Variants in MIAT observed in about 807,000 individuals in gnomAD.
The protein encoded by MIAT is myocardial infarction associated transcript.
chr22:26,668,899 G>A, exon 6 of MIAT: 2 of 398,692 alleles, frequency 5.0e-6, no homozygotes, highest in Non-Finnish European at 8.8e-6. Flanking sequence ...CCTGAAAAGA[G>A]AGGGTCTTTA....
At chr22:26,647,280 G>A (rs1165498685) in exon 2 of MIAT, 12 of 397,964 alleles carry the variant, frequency 3.0e-5, no homozygotes, top group Middle Eastern at 6.3e-4. Flanking sequence ...ACCCTTCACC[G>A]TGCCCTGGAG....
exon 5 of MIAT, chr22:26,674,953 T>A: frequency 2.5e-6 from 1 of 398,614 alleles, no homozygotes; most frequent in East Asian, 3.6e-5. Context: ...AGTGATTCAG[T>A]GAGATGGGTG....
At chr22:26,673,793 A>G (rs1391822534), downstream of MIAT, 1 of 398,528 alleles carries the variant, frequency 2.5e-6, no homozygotes, top group African/African-American at 2.1e-5. Flanking sequence ...AGTTTTCTAA[A>G]GGAGGTGCCA....
At chr22:26,672,724 G>A (rs1026510187), downstream of MIAT, 2 of 398,956 alleles carry the variant, frequency 5.0e-6, no homozygotes, top group African/African-American at 4.1e-5. Flanking sequence ...ATTAGCAGAG[G>A]GGCGTGTCCC....
chr22:26,657,680 C>A (rs1255612634), intron 2 of MIAT: 2 of 398,648 alleles, frequency 5.0e-6, no homozygotes, highest in African/African-American at 2.1e-5. Context: ...ATCCTAGAAG[C>A]CTTCCTTCCC....
chr22:26,664,727 G>A (rs1303660418), intron 3 of MIAT, among the ~76,000 whole-genome samples: 3 of 152,182 alleles, frequency 2.0e-5, no homozygotes, highest in African/African-American at 2.4e-5. Context: ...ATGTGGATAA[G>A]CCAGACTTTG....
At chr22:26,672,435 G>A (rs1382021515), downstream of MIAT, 1 of 399,298 alleles carries the variant, frequency 2.5e-6, no homozygotes, top group African/African-American at 2.1e-5. Flanking sequence ...CTGTGGATGT[G>A]GGAGGCTGGA....
chr22:26,659,504 G>A (rs374950775), intron 2 of MIAT, among the ~76,000 whole-genome samples: 1 of 151,852 alleles, frequency 6.6e-6, no homozygotes, highest in African/African-American at 2.4e-5. Flanking sequence ...ACCCCTTACC[G>A]CCAGCTTTAG....
In MIAT at chr22:26,649,372, C is replaced by A. The variant is rs115237827; in HGVS notation, n.646+2061C>A. ...GGAAACAAGACAGAGTGTCAGGTGG[C>A]AAAGAGCCTGGCAGTCCCTGGTGGA... is the stretch of plus-strand genomic sequence containing the variant. On this transcript the variant is annotated intron_variant and non_coding_transcript_variant, in intron 2 of 5. Transcript: ENST00000643270. Among the ~76,000 whole-genome samples the A allele has an allele frequency of 7.5e-3, 1,140 of 152,324 alleles. 21 individuals are homozygous for A. The highest frequency in any genetic ancestry group is 0.026 in the African/African-American group (1,072 of 41,568).
chr22:26,660,664 C>A (rs977781965), intron 2 of MIAT: 2 of 152,136 alleles, frequency 1.3e-5, no homozygotes, highest in Non-Finnish European at 2.9e-5. Context: ...CTAGTTGTTT[C>A]CAATTTTTCT....
At chr22:26,675,935 A>G (rs962316914) in exon 5 of MIAT, 10 of 398,512 alleles carry the variant, frequency 2.5e-5, no homozygotes, top group African/African-American at 1.6e-4. Context: ...GATGGTTGTG[A>G]GATTCTAAGA....
chr22:26,658,499 C>T (rs1930542157), intron 2 of MIAT, among the ~76,000 whole-genome samples: 1 of 152,198 alleles, frequency 6.6e-6, no homozygotes, highest in Non-Finnish European at 1.5e-5. Flanking sequence ...CGCAACCCAC[C>T]AGCTCGATTC....
chr22:26,661,351 T>A (rs1445064691), intron 2 of MIAT, among the ~76,000 whole-genome samples: 1 of 152,106 alleles, frequency 6.6e-6, no homozygotes, highest in Non-Finnish European at 1.5e-5. Flanking sequence ...CCCACTCTGA[T>A]CAGATCAGAT....
downstream of MIAT, chr22:26,669,963 A>G: frequency 2.5e-6 from 1 of 398,622 alleles, no homozygotes; most frequent in Non-Finnish European, 4.4e-6. Context: ...GGGAGAATTC[A>G]GTGAGATTGT....
At chr22:26,671,528 C>G, downstream of MIAT, 1 of 398,714 alleles carries the variant, frequency 2.5e-6, no homozygotes, top group Admixed American at 4.4e-5. Context: ...TAACCACCCC[C>G]CCGCAGCCAG....
At chr22:26,663,636 C>T (rs1930746431) in intron 3 of MIAT, 1 of 373,418 alleles carries the variant, frequency 2.7e-6, no homozygotes, top group Non-Finnish European at 4.7e-6. Flanking sequence ...CCCTGGTGCT[C>T]ACAACTGGTT....
In MIAT at chr22:26,655,775, G is replaced by A. The variant is rs529303950; in HGVS notation, n.647-7541G>A. ...TTGGTGGGCTTACTGAAACATAGAT[G>A]TCTGGGCCTTCCTTTCTTTCCCCAG... On this transcript the variant is annotated intron_variant and non_coding_transcript_variant, in intron 2 of 5. Transcript: ENST00000643270. Among the ~76,000 whole-genome samples the A allele has an allele frequency of 4.7e-4, 71 of 152,324 alleles. 1 individual carries two copies. The highest frequency in any genetic ancestry group is 1.4e-3 in the African/African-American group (57 of 41,570).
At chr22:26,660,702 C>G (rs1930633409) in intron 2 of MIAT, 1 of 152,068 alleles carries the variant, frequency 6.6e-6, no homozygotes, top group East Asian at 1.9e-4. Context: ...TTTTAAGGTC[C>G]TTTCTCTGGC....
exon 1 of MIAT, chr22:26,646,699 A>G: frequency 2.5e-6 from 1 of 398,654 alleles, no homozygotes; most frequent in Non-Finnish European, 4.4e-6. Flanking sequence ...TATTGCATTT[A>G]TAGCATTTAT....
Sources: gnomAD v4.1 joint callset for allele counts (sites outside exome capture counted in the v4.1 genomes callset) on GRCh38, gnomAD v4.1.1 for gene constraint, MANE v1.5 for transcripts, NCBI Gene and HGNC (gene_info 2026-07-23, HGNC 2026-07-21) for gene names.